Variants in PLEKHG5 observed in about 807,000 individuals in gnomAD.
PLEKHG5 encodes pleckstrin homology and RhoGEF domain containing G5, also known as pleckstrin homology domain-containing family G member 5.
A neutral mutation model predicts 103.8 loss-of-function variants in PLEKHG5; 52 were observed. That is an observed-to-expected ratio of 0.50 (90% CI 0.40 to 0.63). The LOEUF (loss-of-function observed/expected upper bound fraction) is 0.63, where lower values mean the gene tolerates loss of function less well. PLEKHG5 is among the 30% of genes least tolerant of loss of function. The probability of loss-of-function intolerance (pLI) is 0.00; values close to 1 mark genes in which losing one functional copy is unlikely to be tolerated. For synonymous variants in PLEKHG5, 592 were observed against 575.5 expected (o/e 1.03, Z -0.41); for missense variants, 1,205 against 1,347.6 (o/e 0.89, Z 1.66).
chr1:6,485,573 C>G, intron 1 of PLEKHG5: 3 of 875,498 alleles, frequency 3.4e-6, no homozygotes, highest in Non-Finnish European at 4.5e-6. Flanking sequence ...CCCGGAACAG[C>G]CCCCAGCCCC....
rs1235218497 is a variant in PLEKHG5, at chr1:6,472,605, C to T, written c.1002G>A (p.Gln334=). ...CCCACACCGCCTCCTGCTGGTGGCA[C>T]TGCCGCCGGGTCAGCTTCTAGAGGG... ...IDGHEKLTRR[Q]CHQQEAVWEL... The change falls in exon 10 of 21, where the codon CAG becomes CAA. Residue 334 remains glutamine (Q), a synonymous_variant. Coordinates refer to ENST00000377728, the MANE Select transcript of PLEKHG5 (RefSeq NM_020631.6). 6.2e-7 allele frequency: 1 copy of T among 1,612,632 alleles called. No individual in the cohort carries two copies. The highest frequency in any genetic ancestry group is 8.5e-7 in the Non-Finnish European group (1 of 1,179,300).
rs1644409663 is a variant in PLEKHG5, at chr1:6,467,356, G to A, written c.*207C>T. 3 of 690,522 alleles carry A rather than the reference G, an allele frequency of 4.3e-6. No homozygotes were observed. The South Asian group carries it at 4.6e-5, about 11-fold the overall frequency. The allele number at this position is 690,522 out of a possible 1,614,324, so 42.8% of individuals were successfully genotyped here. ...GAGTAGGTGACGAGGGGCTGCCTGGGCAGGTGGGGTGGTACTGTGGCCTGG... is the reference window on the plus strand; with the variant it reads ...GAGTAGGTGACGAGGGGCTGCCTGGACAGGTGGGGTGGTACTGTGGCCTGG... On this transcript the variant is annotated 3_prime_UTR_variant, in exon 21 of 21. Transcript: ENST00000377728.
At chr1:6,474,891 C>T (rs1397943147) in intron 5 of PLEKHG5, 156 bp downstream of exon 5, 11 of 746,500 alleles carry the variant, frequency 1.5e-5, no homozygotes, top group Admixed American at 3.5e-5. Flanking sequence ...CTCACACTGG[C>T]GTGCACACCA....
chr1:6,518,122 C>CG (rs1638675426), intron 1 of PLEKHG5, among the ~76,000 whole-genome samples: 1 of 151,498 alleles, frequency 6.6e-6, no homozygotes, highest in Non-Finnish European at 1.5e-5. Context: ...TTAGTAGAGA[C>CG]GGGGTTTCAC....
upstream of PLEKHG5, among the ~76,000 whole-genome samples, chr1:6,497,853 T>C (rs537529463): frequency 3.9e-5 from 6 of 152,302 alleles, no homozygotes; most frequent in East Asian, 1.2e-3. The surrounding 1 kb of genome is among the most constrained non-coding windows in gnomAD (Gnocchi z 6.1). Flanking sequence ...TTTTAAACTT[T>C]ATTGAAGTGC....
At chr1:6,474,620 ACCAGGCGG>A (rs1644702942) in intron 5 of PLEKHG5, 33 bp from the exon 6 acceptor site, 3 of 1,611,622 alleles carry the variant, frequency 1.9e-6, no homozygotes, top group African/African-American at 1.3e-5. Context: ...GTGTGTTAGA[ACCAGGCGG>A]CCAGTCGCTT....
intron 1 of PLEKHG5, among the ~76,000 whole-genome samples, chr1:6,483,533 C>T (rs1644951383): frequency 6.6e-6 from 1 of 152,142 alleles, no homozygotes; most frequent in African/African-American, 2.4e-5. Flanking sequence ...GGTGTGGTGG[C>T]GCTCTCTTGT....
chr1:6,494,327 C>T (rs1384136866), upstream of PLEKHG5, among the ~76,000 whole-genome samples: 5 of 151,788 alleles, frequency 3.3e-5, no homozygotes, highest in East Asian at 5.8e-4. Flanking sequence ...GATGGGGTTT[C>T]GCCATGTTGG....
At chr1:6,512,147 G>T (rs1455432344) in intron 1 of PLEKHG5, among the ~76,000 whole-genome samples, 1 of 152,142 alleles carries the variant, frequency 6.6e-6, no homozygotes, top group South Asian at 2.1e-4. Flanking sequence ...GGCTCGGGAC[G>T]CCTGGAGACC....
At position 6,468,331 on chromosome 1, in the gene PLEKHG5, T is replaced by A. The variant is rs201034547; in HGVS notation, c.2505A>T (p.Pro835=). 6.8e-6 allele frequency: 11 copies of A among 1,609,672 alleles called. No individual in the cohort carries two copies. In the African/African-American group the frequency reaches 1.5e-4, roughly 21 times the overall value. ...GGGCCCGAGGCACTAGCTCTGCCAT[T>A]GGGCCTGGGGCCACAAAGTCTTGTA... ...TSLQDFVAPG[P]MAELVPRAPE... is the part of the protein sequence containing the mutation. The change falls in exon 20 of 21, where the codon CCA becomes CCT. Residue 835 remains proline (P), a synonymous_variant. Coordinates refer to ENST00000377728, the MANE Select transcript of PLEKHG5 (RefSeq NM_020631.6).
chr1:6,473,281 G>A lies in PLEKHG5; in HGVS notation c.765C>T (p.Ser255=), dbSNP rs566596803. The A allele has an allele frequency of 4.4e-6, 7 of 1,603,976 alleles. No homozygotes were observed. The Admixed American group carries it at 1.2e-4, about 27-fold the overall frequency. The change falls in exon 8 of 21, where the codon AGC becomes AGT. Residue 255 remains serine, a synonymous_variant. Coordinates refer to ENST00000377728, the MANE Select transcript of PLEKHG5 (RefSeq NM_020631.6). ...CAAAGGCGCTGGTGCTGGGGCCGGA[G>A]CTGAAAAAGCCGCTGAAGCGACTGG... The part of the protein sequence containing the change: ...RAASRFSGFF[S]SGPSTSAFGR...
chr1:6,494,636 C>T (rs539914256), upstream of PLEKHG5, among the ~76,000 whole-genome samples: 8 of 152,318 alleles, frequency 5.3e-5, no homozygotes, highest in African/African-American at 1.9e-4. Flanking sequence ...TGCCCCGCAC[C>T]TCCTCTCCAC....
intron 1 of PLEKHG5, among the ~76,000 whole-genome samples, chr1:6,513,095 G>A (rs766311869): frequency 1.4e-4 from 21 of 152,244 alleles, no homozygotes; most frequent in Non-Finnish European, 2.6e-4. Context: ...TCTCACTGAC[G>A]CCTGGATCCC....
chr1:6,510,906 T>G (rs988555630), intron 1 of PLEKHG5, among the ~76,000 whole-genome samples: 3 of 152,122 alleles, frequency 2.0e-5, no homozygotes, highest in Non-Finnish European at 4.4e-5. Flanking sequence ...CTGGCCAACA[T>G]GATGACATCC....
At position 6,469,125 on chromosome 1, in the gene PLEKHG5, C is replaced by T. The variant is rs1569840719; in HGVS notation, c.2166G>A (p.Glu722=). The T allele has an allele frequency of 8.6e-7, 1 of 1,156,404 alleles. No individual in the cohort carries two copies. Among genetic ancestry groups the T allele is most frequent in the Admixed American group, 2.3e-5 (1 of 44,072 alleles). The allele number at this position is 1,156,404 out of a possible 1,614,324, so 71.6% of individuals were successfully genotyped here. The part of the protein sequence containing the change: ...EEEEEEEEEE[E]EGEDSGTSAA... ...CTGAAGTGCCACTGTCCTCGCCTTC[C>T]TCCTCCTCCTCCTCCTCCTCCTCTT... is the stretch of plus-strand genomic sequence containing the variant. Residue 722 remains glutamate, a synonymous_variant, in exon 19 of 21, where the codon GAG becomes GAA. Coordinates refer to ENST00000377728, the MANE Select transcript of PLEKHG5 (RefSeq NM_020631.6).
At chr1:6,506,579 C>T (rs927534026) in intron 1 of PLEKHG5, among the ~76,000 whole-genome samples, 27 of 152,196 alleles carry the variant, frequency 1.8e-4, no homozygotes, top group Admixed American at 1.6e-3. Flanking sequence ...CCACCCCTGA[C>T]CTGTGACCCC....
At chr1:6,519,613 C>T in exon 1 of PLEKHG5, 1 of 871,114 alleles carries the variant, frequency 1.1e-6, no homozygotes, top group South Asian at 1.3e-5. Flanking sequence ...CTGCTTTGCC[C>T]AGTTGCCATC....
At chr1:6,500,985 G>A (rs1026560532), upstream of PLEKHG5, among the ~76,000 whole-genome samples, 9 of 152,224 alleles carry the variant, frequency 5.9e-5, no homozygotes, top group African/African-American at 1.7e-4. Context: ...AGAACGGCCG[G>A]CAGACATGTT....
intron 1 of PLEKHG5, among the ~76,000 whole-genome samples, chr1:6,481,823 C>T (rs1289072728): frequency 4.7e-5 from 7 of 150,426 alleles, no homozygotes; most frequent in African/African-American, 9.8e-5. Context: ...GAGATTGCGC[C>T]ACTGCACTCC....
Sources: allele counts gnomAD v4.1 joint callset (sites outside exome capture counted in the v4.1 genomes callset), GRCh38; gene constraint gnomAD v4.1.1; non-coding constraint Gnocchi (gnomAD v3.1); transcripts MANE v1.5; gene names NCBI Gene and HGNC (gene_info 2026-07-23, HGNC 2026-07-21).